GRM7: variants seen among roughly 807,000 people sequenced by gnomAD.
The protein encoded by GRM7 is glutamate metabotropic receptor 7.
In GRM7, 35 loss-of-function variants were observed where a neutral mutation model predicts 84.5. The observed-to-expected ratio is 0.41, with a 90% CI of 0.32 to 0.55. The LOEUF is 0.55. GRM7 is among the 20% of genes least tolerant of loss of function. GRM7 has a pLI of 0.19. For missense variants in GRM7, 1,003 were observed against 1,194.6 expected (o/e 0.84, Z 2.36); for synonymous variants, 487 against 455.1 (o/e 1.07, Z -0.89).
At chr3:7,294,038 C>G (rs760394734) in intron 2 of GRM7, among the ~76,000 whole-genome samples, 14 of 152,192 alleles carry the variant, frequency 9.2e-5, no homozygotes, top group African/African-American at 3.4e-4. Flanking sequence ...CCCATTACCA[C>G]GTTAATAGCC....
intron 9 of GRM7, among the ~76,000 whole-genome samples, chr3:7,726,494 C>T (rs547200289): frequency 6.6e-6 from 1 of 150,500 alleles, no homozygotes; most frequent in African/African-American, 2.4e-5. Context: ...AATCATTTCT[C>T]CCTACATTTT....
At chr3:7,624,661 A>T (rs745845814) in intron 8 of GRM7, among the ~76,000 whole-genome samples, 3 of 152,172 alleles carry the variant, frequency 2.0e-5, no homozygotes, top group Non-Finnish European at 2.9e-5. Flanking sequence ...CCGAGTTGTT[A>T]TGAAAATTTA....
intron 2 of GRM7, among the ~76,000 whole-genome samples, chr3:7,176,897 T>A (rs954691514): frequency 1.3e-5 from 2 of 152,194 alleles, no homozygotes; most frequent in East Asian, 3.8e-4. Context: ...GTCCTAGGAG[T>A]CACCATTACC....
At chr3:6,945,640 C>T (rs377378228) in intron 1 of GRM7, among the ~76,000 whole-genome samples, 28 of 151,924 alleles carry the variant, frequency 1.8e-4, no homozygotes, top group East Asian at 9.7e-4. Context: ...ATCGCCACAC[C>T]GACTTCCACA....
intron 8 of GRM7, among the ~76,000 whole-genome samples, chr3:7,584,805 T>C (rs1331273364): frequency 2.0e-5 from 3 of 152,336 alleles, no homozygotes; most frequent in East Asian, 1.9e-4. Context: ...TTTTATTTTG[T>C]GTTACGTTGT....
At chr3:7,391,054 T>C (rs1694974479) in intron 4 of GRM7, among the ~76,000 whole-genome samples, 3 of 152,086 alleles carry the variant, frequency 2.0e-5, no homozygotes, top group South Asian at 4.1e-4. Context: ...TCTTTTTTTT[T>C]CCCTTGGAGG....
chr3:6,893,115 A>C (rs1285163051), intron 1 of GRM7: 1 of 152,158 alleles, frequency 6.6e-6, no homozygotes, highest in Non-Finnish European at 1.5e-5. Context: ...TGAAGTAAGC[A>C]TTATATTATT....
chr3:7,429,057 T>A (rs2124844453), intron 5 of GRM7, among the ~76,000 whole-genome samples: 1 of 152,294 alleles, frequency 6.6e-6, no homozygotes, highest in East Asian at 1.9e-4. Flanking sequence ...GAACAAAGAC[T>A]TGGAAACTAA....
At chr3:7,533,018 C>G (rs1312884160) in intron 7 of GRM7, among the ~76,000 whole-genome samples, 1 of 152,052 alleles carries the variant, frequency 6.6e-6, no homozygotes, top group Non-Finnish European at 1.5e-5. Context: ...TAGAGACCAA[C>G]AAAGAGACTT....
intron 2 of GRM7, among the ~76,000 whole-genome samples, chr3:7,224,734 C>G (rs773480951): frequency 1.3e-5 from 2 of 152,090 alleles, no homozygotes; most frequent in Non-Finnish European, 2.9e-5. Context: ...TATGGAGAAC[C>G]GTTCTGTCTC....
chr3:7,351,352 A>C (rs1693134890), intron 4 of GRM7, among the ~76,000 whole-genome samples: 1 of 150,500 alleles, frequency 6.6e-6, no homozygotes, highest in Admixed American at 6.6e-5. Context: ...AAAAAAAAAA[A>C]AAAAAAAAAA....
At chr3:7,300,594 G>A (rs1166207268) in intron 3 of GRM7, among the ~76,000 whole-genome samples, 3 of 152,086 alleles carry the variant, frequency 2.0e-5, no homozygotes, top group African/African-American at 7.2e-5. Flanking sequence ...ATTCCCTCAT[G>A]ATTTGCTACT....
chr3:7,375,657 T>A (rs1379237413), intron 4 of GRM7, among the ~76,000 whole-genome samples: 1 of 152,118 alleles, frequency 6.6e-6, no homozygotes, highest in Non-Finnish European at 1.5e-5. Flanking sequence ...ACTTTTCTCT[T>A]TTGCTCCACC....
intron 4 of GRM7, among the ~76,000 whole-genome samples, chr3:7,333,506 C>G (rs955795441): frequency 3.3e-5 from 5 of 152,144 alleles, no homozygotes; most frequent in African/African-American, 1.2e-4. Flanking sequence ...AGTTACAGAT[C>G]TTTCCACTGA....
At chr3:7,352,062 CA>C (rs1693180796) in intron 4 of GRM7, among the ~76,000 whole-genome samples, 1 of 76,692 alleles carries the variant, frequency 1.3e-5, no homozygotes, top group Non-Finnish European at 3.3e-5. Context: ...ACACACCACA[CA>C]CACACACACA....
chr3:7,314,327 C>T lies in GRM7; in HGVS notation c.1033+7675C>T, dbSNP rs139359882. On this transcript the variant is annotated intron_variant, in intron 4 of 9. Coordinates refer to ENST00000357716, the MANE Select transcript of GRM7 (RefSeq NM_000844.4). ...TTCCATCCCCCGTCTTTCTCCCTCC[C>T]CCCTAAAAATTGATTTCACTGTCAT... 5.2e-3 allele frequency among the ~76,000 whole-genome samples: 791 copies of T among 150,940 alleles called. 10 individuals are homozygous for T. The highest frequency in any genetic ancestry group is 0.018 in the African/African-American group (760 of 41,110).
intron 4 of GRM7, among the ~76,000 whole-genome samples, chr3:7,387,474 GAGAT>G (rs1694828806): frequency 6.6e-6 from 1 of 152,100 alleles, no homozygotes; most frequent in Non-Finnish European, 1.5e-5. Flanking sequence ...GTGATGGTGA[GAGAT>G]AGGGATCAAG....
chr3:7,077,960 A>T (rs1243894614), intron 1 of GRM7, among the ~76,000 whole-genome samples: 1 of 151,222 alleles, frequency 6.6e-6, no homozygotes, highest in East Asian at 1.9e-4. Context: ...TAATAAATAT[A>T]GTAGGCTTTG....
In GRM7 at chr3:7,162,729, A is replaced by ATTTTTTTTTTTTTTTTTTT. The variant is rs71063284; in HGVS notation, c.736+16091_736+16109dup. On this transcript the variant is annotated intron_variant, in intron 2 of 9. Coordinates refer to ENST00000357716, the MANE Select transcript of GRM7 (RefSeq NM_000844.4). Reference sequence around the variant, plus strand: ...CAATCTCCCATTACTCCCATTTTTCATTTTTTTTTTTTTTTTTTTTTTTTT... The same window carrying ATTTTTTTTTTTTTTTTTTT: ...CAATCTCCCATTACTCCCATTTTTCATTTTTTTTTTTTTTTTTTTTTTTTTTTTTTTTTTTTTTTTTTTT... Among the ~76,000 whole-genome samples, 10 of 54,716 alleles carry ATTTTTTTTTTTTTTTTTTT rather than the reference A, an allele frequency of 1.8e-4. 1 individual carries two copies. Among genetic ancestry groups the ATTTTTTTTTTTTTTTTTTT allele is most frequent in the Non-Finnish European group, 3.5e-4 (9 of 25,686 alleles). 35.9% of individuals were successfully genotyped at this position (54,716 alleles called of 152,430 possible).
Sources: gnomAD v4.1 joint callset for allele counts (sites outside exome capture counted in the v4.1 genomes callset) on GRCh38, gnomAD v4.1.1 for gene constraint, MANE v1.5 for transcripts, NCBI Gene and HGNC (gene_info 2026-07-23, HGNC 2026-07-21) for gene names.